SMIM35: variants seen among roughly 807,000 people sequenced by gnomAD.
SMIM35 encodes TMPRSS4 antisense RNA 1 (non-protein coding).
chr11:118,015,798 TG>T lies in SMIM35; in HGVS notation c.18del (p.Ile7SerfsTer6), dbSNP rs1222675819. The T allele has an allele frequency of 7.5e-6, 3 of 399,162 alleles. No homozygotes were observed. Among genetic ancestry groups the T allele is most frequent in the African/African-American group, 6.2e-5 (3 of 48,614 alleles). 24.7% of individuals were successfully genotyped at this position (399,162 alleles called of 1,614,324 possible). A position where few individuals can be genotyped will look rare whatever the true frequency, so the allele number is the denominator to read the frequency against. MTGED[S>X]ISTLGLILGV... Reference sequence around the variant, plus strand: ...CCAAGGATCAGGCCCAAGGTGCTGATGGAGTCCTCACCTGCAGAGACATGCA... The same window carrying T: ...CCAAGGATCAGGCCCAAGGTGCTGATGAGTCCTCACCTGCAGAGACATGCA... On this transcript the variant is annotated frameshift_variant, in exon 2 of 5. Coordinates refer to ENST00000689828, the MANE Select transcript of SMIM35 (RefSeq NM_001394165.1). LOFTEE classifies it high-confidence loss of function.
intron 1 of SMIM35, among the ~76,000 whole-genome samples, chr11:118,066,453 C>T (rs908698565): frequency 2.4e-4 from 37 of 152,282 alleles, no homozygotes; most frequent in African/African-American, 8.9e-4. Context: ...AACAAGTCAT[C>T]CTCCTGCTTA....
At chr11:118,029,579 AC>A in intron 1 of SMIM35, 1 of 452,872 alleles carries the variant, frequency 2.2e-6, no homozygotes, top group Admixed American at 2.4e-5. Flanking sequence ...GAGGGGACTT[AC>A]CCCCTGTCTG....
chr11:118,034,743 T>C (rs1212816806), intron 1 of SMIM35, among the ~76,000 whole-genome samples: 2 of 151,904 alleles, frequency 1.3e-5, no homozygotes, highest in Non-Finnish European at 2.9e-5. Context: ...ATGTGAAGGG[T>C]GAAAGTAGGA....
intron 1 of SMIM35, among the ~76,000 whole-genome samples, chr11:118,051,015 G>A (rs1944204212): frequency 6.6e-6 from 1 of 152,216 alleles, no homozygotes; most frequent in Non-Finnish European, 1.5e-5. Flanking sequence ...TAGTAAAGCA[G>A]GAGAGACAGA....
At position 118,027,016 on chromosome 11, in the gene SMIM35, C is replaced by CTTTTTTTT. The variant is rs60864416; in HGVS notation, c.8-11215_8-11208dup. Among the ~76,000 whole-genome samples, 9 of 93,256 alleles carry CTTTTTTTT rather than the reference C, an allele frequency of 9.7e-5. 1 individual carries two copies. The highest frequency in any genetic ancestry group is 2.9e-4 in the African/African-American group (7 of 23,730). The allele number at this position is 93,256 out of a possible 152,430, so 61.2% of individuals were successfully genotyped here. On this transcript the variant is annotated intron_variant, in intron 1 of 4. Transcript: ENST00000689828. ...ATTTTTTAAAAATCCACCACCACCA[C>CTTTTTTTT]TTTTTTTTTTTTTTTTTTTTTTGAG... is the stretch of plus-strand genomic sequence containing the variant.
chr11:118,078,942 C>T (rs928594898), intron 1 of SMIM35, among the ~76,000 whole-genome samples: 1 of 152,130 alleles, frequency 6.6e-6, no homozygotes, highest in Non-Finnish European at 1.5e-5. Context: ...AAGCCCCGCA[C>T]AGATGTAAGG....
intron 1 of SMIM35, among the ~76,000 whole-genome samples, chr11:118,033,994 G>T (rs1005487926): frequency 6.6e-6 from 1 of 152,164 alleles, no homozygotes; most frequent in South Asian, 2.1e-4. Context: ...TAGGCCAGGC[G>T]CAGTGTCTCA....
intron 1 of SMIM35, among the ~76,000 whole-genome samples, chr11:118,030,656 AG>A (rs1242122654): frequency 6.6e-6 from 1 of 151,798 alleles, no homozygotes; most frequent in Non-Finnish European, 1.5e-5. Flanking sequence ...CTGGGGGAGG[AG>A]GGTATCCATA....
chr11:118,060,641 G>C (rs768203776), intron 1 of SMIM35, among the ~76,000 whole-genome samples: 15 of 152,072 alleles, frequency 9.9e-5, no homozygotes, highest in Non-Finnish European at 2.1e-4. Flanking sequence ...GACCCCCGGG[G>C]GTCTGGGAGA....
chr11:118,049,665 AATTT>A (rs1944177795), intron 1 of SMIM35, among the ~76,000 whole-genome samples: 1 of 152,024 alleles, frequency 6.6e-6, no homozygotes, highest in South Asian at 2.1e-4. Context: ...TAATGCTTTT[AATTT>A]AATTTTTGCG....
At chr11:118,040,044 CAAAA>C (rs35273108) in intron 1 of SMIM35, among the ~76,000 whole-genome samples, 5 of 102,176 alleles carry the variant, frequency 4.9e-5, no homozygotes, top group Non-Finnish European at 3.8e-5. Context: ...GACCTTATCT[CAAAA>C]AAAAAAAAAA....
intron 1 of SMIM35, among the ~76,000 whole-genome samples, chr11:118,034,834 T>A (rs2058346989): frequency 6.6e-6 from 1 of 152,192 alleles, no homozygotes; most frequent in African/African-American, 2.4e-5. Context: ...CACCTTATTA[T>A]AACACCAGCC....
At chr11:118,031,102 A>G (rs1251675500) in intron 1 of SMIM35, among the ~76,000 whole-genome samples, 2 of 152,232 alleles carry the variant, frequency 1.3e-5, no homozygotes, top group Non-Finnish European at 2.9e-5. Flanking sequence ...CTGTTGGAAA[A>G]AAGAGTTACA....
intron 1 of SMIM35, among the ~76,000 whole-genome samples, chr11:118,053,247 G>A (rs1221373884): frequency 2.0e-5 from 3 of 151,920 alleles, no homozygotes; most frequent in Middle Eastern, 3.2e-3. Context: ...GGCAGAGGTT[G>A]CAGTGAGCCG....
intron 1 of SMIM35, chr11:118,029,796 A>G (rs371909500): frequency 1.6e-4 from 72 of 457,076 alleles, no homozygotes; most frequent in Non-Finnish European, 2.7e-4. Context: ...CCCAGGCTCT[A>G]TGTTTTGATA....
At chr11:118,055,171 A>C (rs1944289684) in intron 1 of SMIM35, among the ~76,000 whole-genome samples, 1 of 152,172 alleles carries the variant, frequency 6.6e-6, no homozygotes, top group South Asian at 2.1e-4. Context: ...AATTATGATC[A>C]GCTCCAAAAA....
At chr11:118,037,236 G>A (rs562490119) in intron 1 of SMIM35, among the ~76,000 whole-genome samples, 1 of 152,244 alleles carries the variant, frequency 6.6e-6, no homozygotes, top group Non-Finnish European at 1.5e-5. Context: ...TGCCTTCGAT[G>A]TCATTAACAT....
At chr11:118,059,015 C>G (rs1944357688) in intron 1 of SMIM35, 1 of 152,242 alleles carries the variant, frequency 6.6e-6, no homozygotes, top group East Asian at 1.9e-4. Flanking sequence ...AGGGTCTTGT[C>G]CAGAGACAGG....
chr11:118,008,417 G>A (rs990503277), intron 4 of SMIM35, among the ~76,000 whole-genome samples: 2 of 152,198 alleles, frequency 1.3e-5, no homozygotes, highest in Non-Finnish European at 2.9e-5. Context: ...CAGAGACTCT[G>A]GCCTCCTGGC....
Sources: gnomAD v4.1 joint callset for allele counts (sites outside exome capture counted in the v4.1 genomes callset) on GRCh38, gnomAD v4.1.1 for gene constraint, MANE v1.5 for transcripts, NCBI Gene and HGNC (gene_info 2026-07-23, HGNC 2026-07-21) for gene names.